Variants in CEP15 observed in about 807,000 individuals in gnomAD.
CEP15 encodes the protein centrosomal protein 15 kDa.
At chr3:62,322,216 A>G in the CEP15 span, 1 of 639,314 alleles carries the variant, frequency 1.6e-6, no homozygotes, top group Admixed American at 3.5e-5. The surrounding 1 kb of genome is among the most constrained non-coding windows in gnomAD (Gnocchi z 5.5). Context: ...GATAAGTAGC[A>G]TATGTATCCT....
the CEP15 span, among the ~76,000 whole-genome samples, chr3:62,331,659 A>G: frequency 6.6e-6 from 1 of 152,134 alleles, no homozygotes; most frequent in South Asian, 2.1e-4. Flanking sequence ...TCACTTAGAA[A>G]CAACTATCCT....
At chr3:62,322,709 C>G in the CEP15 span, among the ~76,000 whole-genome samples, 1 of 152,180 alleles carries the variant, frequency 6.6e-6, no homozygotes, top group African/African-American at 2.4e-5. The surrounding 1 kb of genome is among the most constrained non-coding windows in gnomAD (Gnocchi z 5.5). Flanking sequence ...TGCTTCCATT[C>G]AAGCTTCCAA....
chr3:62,330,108 G>T, the CEP15 span, among the ~76,000 whole-genome samples: 1 of 152,020 alleles, frequency 6.6e-6, no homozygotes. Context: ...ATTAATGGTT[G>T]TGCAACTTTG....
At chr3:62,330,702 G>T in the CEP15 span, among the ~76,000 whole-genome samples, 1 of 152,080 alleles carries the variant, frequency 6.6e-6, no homozygotes, top group African/African-American at 2.4e-5. Context: ...ATTGAAATTA[G>T]CTTAGAAAGC....
At chr3:62,322,198 G>A in the CEP15 span, 1 of 827,276 alleles carries the variant, frequency 1.2e-6, no homozygotes, top group Non-Finnish European at 1.9e-6. The surrounding 1 kb of genome is among the most constrained non-coding windows in gnomAD (Gnocchi z 5.5). Flanking sequence ...AAAAGCCCAT[G>A]TCAGTTAGAT....
chr3:62,326,408 C>A, the CEP15 span, among the ~76,000 whole-genome samples: 1 of 152,180 alleles, frequency 6.6e-6, no homozygotes, highest in Non-Finnish European at 1.5e-5. Flanking sequence ...AAGATTAAAA[C>A]CAGCCTGGCC....
the CEP15 span, chr3:62,322,236 A>T: frequency 1.3e-5 from 7 of 537,366 alleles, no homozygotes; most frequent in East Asian, 1.5e-4. This position sits in a 1 kb window ranked among gnomAD's most constrained non-coding sequence, Gnocchi z 5.5. Flanking sequence ...TCATTTTTTT[A>T]AATTAAAAAA....
At chr3:62,325,437 G>T in the CEP15 span, among the ~76,000 whole-genome samples, 4 of 152,148 alleles carry the variant, frequency 2.6e-5, no homozygotes, top group African/African-American at 9.7e-5. Context: ...GTGAGGAAGA[G>T]ACCAATTCCA....
chr3:62,331,449 C>A, the CEP15 span: 1 of 1,378,658 alleles, frequency 7.3e-7, no homozygotes, highest in South Asian at 1.2e-5. Context: ...ATCTATCTAT[C>A]AGTAGTGCAC....
chr3:62,326,122 A>G, the CEP15 span, among the ~76,000 whole-genome samples: 1 of 152,072 alleles, frequency 6.6e-6, no homozygotes, highest in Non-Finnish European at 1.5e-5. Context: ...AAAGAATGAG[A>G]AAGTGCTGCA....
the CEP15 span, among the ~76,000 whole-genome samples, chr3:62,327,671 T>C: frequency 1.7e-4 from 26 of 152,340 alleles, no homozygotes; most frequent in African/African-American, 5.8e-4. Flanking sequence ...CAATAGCTTG[T>C]AACTTATATG....
chr3:62,331,421 T>C, the CEP15 span: 2 of 1,601,450 alleles, frequency 1.2e-6, no homozygotes, highest in Non-Finnish European at 1.7e-6. Context: ...AAGGAACAAA[T>C]GTAAAAAGAG....
chr3:62,335,500 C>T, the CEP15 span: 1 of 151,122 alleles, frequency 6.6e-6, no homozygotes, highest in African/African-American at 2.4e-5. Flanking sequence ...CTGGATATCC[C>T]ATTAATGGGC....
the CEP15 span, among the ~76,000 whole-genome samples, chr3:62,327,118 G>T: frequency 1.3e-5 from 2 of 152,080 alleles, no homozygotes; most frequent in African/African-American, 4.8e-5. Context: ...TAGGTCATTT[G>T]TCCTATGCGT....
chr3:62,324,184 G>T, the CEP15 span: 1 of 152,080 alleles, frequency 6.6e-6, no homozygotes, highest in Non-Finnish European at 1.5e-5. Flanking sequence ...GAGCCCAGGA[G>T]TTCAGGACCA....
At chr3:62,328,660 G>GC in the CEP15 span, among the ~76,000 whole-genome samples, 1 of 151,986 alleles carries the variant, frequency 6.6e-6, no homozygotes, top group South Asian at 2.1e-4. Context: ...TGCCTGCCTT[G>GC]GATACCTTTT....
chr3:62,323,332 T>C, the CEP15 span, among the ~76,000 whole-genome samples: 1 of 152,108 alleles, frequency 6.6e-6, no homozygotes, highest in African/African-American at 2.4e-5. Flanking sequence ...TTCCAAAAGG[T>C]CTCAGAGAAG....
At chr3:62,322,075 A>G in the CEP15 span, 5 of 1,596,218 alleles carry the variant, frequency 3.1e-6, no homozygotes, top group African/African-American at 4.1e-5. The surrounding 1 kb of genome is among the most constrained non-coding windows in gnomAD (Gnocchi z 5.5). Context: ...TGACTTGAAT[A>G]TAGAGATTTA....
chr3:62,322,350 G>A, the CEP15 span: 1 of 231,056 alleles, frequency 4.3e-6, no homozygotes, highest in African/African-American at 2.3e-5. This position sits in a 1 kb window ranked among gnomAD's most constrained non-coding sequence, Gnocchi z 5.5. Context: ...AACAGAAGAT[G>A]TACCTTTCCA....
Sources: gnomAD v4.1 joint callset for allele counts (sites outside exome capture counted in the v4.1 genomes callset) on GRCh38, gnomAD v4.1.1 for gene constraint, Gnocchi (gnomAD v3.1) non-coding constraint, MANE v1.5 for transcripts, NCBI Gene and HGNC (gene_info 2026-07-23, HGNC 2026-07-21) for gene names.